Variants in ARHGEF12 observed in about 807,000 individuals in gnomAD.
ARHGEF12 encodes KMT2A/ARHGEF12 fusion protein.
A neutral mutation model predicts 211.2 loss-of-function variants in ARHGEF12; 66 were observed. The observed-to-expected ratio is 0.31, with a 90% CI of 0.26 to 0.38. The LOEUF (loss-of-function observed/expected upper bound fraction) is 0.38. ARHGEF12 is among the 10% of genes least tolerant of loss of function. The pLI is 1.00. For missense variants in ARHGEF12, 1,429 were observed against 1,869.5 expected, an observed-to-expected ratio of 0.76 and a Z score of 4.34; for synonymous variants, 592 against 638.4, an observed-to-expected ratio of 0.93 and a Z score of 1.09.
At position 120,459,175 on chromosome 11, in the gene ARHGEF12, A is replaced by G; in HGVS notation, c.2382A>G (p.Glu794=). The G allele has an allele frequency of 6.2e-7, 1 of 1,606,088 alleles. No individual in the cohort carries two copies. ...CEIKRQEVIN[E]LFYTERAHVR... is the part of the protein sequence containing the mutation. The stretch of plus-strand genomic sequence containing the variant: ...ATTTCATATCTCTTTCCTGTTCAGA[A>G]TTGTTCTACACTGAAAGAGCTCATG... The change falls in exon 26 of 41, where the codon GAA becomes GAG. Residue 794 remains glutamate, a splice_region_variant and synonymous_variant. Coordinates refer to ENST00000397843, the MANE Select transcript of ARHGEF12 (RefSeq NM_015313.3).
chr11:120,440,948 T>G (rs769038184), intron 13 of ARHGEF12, among the ~76,000 whole-genome samples: 1 of 152,148 alleles, frequency 6.6e-6, no homozygotes, highest in Non-Finnish European at 1.5e-5. Flanking sequence ...TATTATGTGG[T>G]TTTTCTGATT....
chr11:120,489,375 G>T lies in ARHGEF12; in HGVS notation c.*4298G>T, dbSNP rs1947478650. 3 of 224,136 alleles carry T rather than the reference G, an allele frequency of 1.3e-5. No individual in the cohort carries two copies. The highest frequency in any genetic ancestry group is 2.7e-5 in the Non-Finnish European group (3 of 112,498). The allele number at this position is 224,136 out of a possible 1,614,324, so 13.9% of individuals were successfully genotyped here. A position where few individuals can be genotyped will look rare whatever the true frequency, so the allele number is the denominator to read the frequency against. On this transcript the variant is annotated 3_prime_UTR_variant, in exon 41 of 41. Coordinates refer to ENST00000397843, the MANE Select transcript of ARHGEF12 (RefSeq NM_015313.3). ...TATATATATAACAAAATTTGCTATTGTAACTATTTTTAAGTATAAAGTTCA... is the reference window on the plus strand; with the variant it reads ...TATATATATAACAAAATTTGCTATTTTAACTATTTTTAAGTATAAAGTTCA...
intron 13 of ARHGEF12, among the ~76,000 whole-genome samples, chr11:120,441,212 T>C (rs185735033): frequency 2.2e-4 from 33 of 152,252 alleles, no homozygotes; most frequent in African/African-American, 7.9e-4. Flanking sequence ...TTTGGGAATA[T>C]GAAAATTGTG....
At chr11:120,399,253 CG>C (rs1944478258) in intron 1 of ARHGEF12, among the ~76,000 whole-genome samples, 1 of 121,994 alleles carries the variant, frequency 8.2e-6, no homozygotes, top group African/African-American at 3.1e-5. Flanking sequence ...CCCAGGAGTT[CG>C]AGGTTACAGT....
chr11:120,354,388 C>T (rs1219683077), intron 1 of ARHGEF12, among the ~76,000 whole-genome samples: 1 of 152,198 alleles, frequency 6.6e-6, no homozygotes, highest in Non-Finnish European at 1.5e-5. Context: ...CATCTTCTCA[C>T]ATTCCAGCTT....
intron 15 of ARHGEF12, 85 bp from the exon 16 acceptor site, chr11:120,445,337 G>A (rs1946011871): frequency 7.3e-7 from 1 of 1,363,460 alleles, no homozygotes; most frequent in African/African-American, 1.4e-5. Context: ...TATCCAAGTT[G>A]TATCCCCTTA....
At chr11:120,392,340 C>A (rs967901376) in intron 1 of ARHGEF12, among the ~76,000 whole-genome samples, 4 of 152,002 alleles carry the variant, frequency 2.6e-5, no homozygotes, top group Non-Finnish European at 5.9e-5. Flanking sequence ...CAAATAATAT[C>A]TTTTTTTAAT....
chr11:120,337,870 G>A, intron 1 of ARHGEF12: 1 of 985,440 alleles, frequency 1.0e-6, no homozygotes, highest in Non-Finnish European at 1.2e-6. Flanking sequence ...AGAAATGAGG[G>A]TAAATCATGG....
chr11:120,464,891 C>T (rs992662219), intron 27 of ARHGEF12: 3 of 183,674 alleles, frequency 1.6e-5, no homozygotes, highest in Non-Finnish European at 3.4e-5. Context: ...GCCTGTAGTC[C>T]CAGTTACTTG....
intron 1 of ARHGEF12, among the ~76,000 whole-genome samples, chr11:120,347,169 TTCCTTCCTTCCTTC>T (rs1942772519): frequency 6.4e-5 from 5 of 77,844 alleles, no homozygotes; most frequent in Admixed American, 4.9e-4. Context: ...CCTTCCTTCC[TTCCTTCCTTCCTTC>T]CTTTCTTTCT....
chr11:120,406,664 T>A (rs1171946505), intron 2 of ARHGEF12, among the ~76,000 whole-genome samples: 1 of 152,208 alleles, frequency 6.6e-6, no homozygotes, highest in African/African-American at 2.4e-5. Context: ...GTTCACACCA[T>A]TCTCCTGCCT....
intron 37 of ARHGEF12, 34 bp from the exon 38 acceptor site, chr11:120,479,926 T>C (rs1947176636): frequency 1.3e-6 from 2 of 1,565,452 alleles, no homozygotes; most frequent in African/African-American, 2.7e-5. Context: ...GTTGTGAATA[T>C]GTTTTTTTTC....
intron 34 of ARHGEF12, 165 bp downstream of exon 34, chr11:120,476,913 C>A: frequency 1.7e-6 from 1 of 598,648 alleles, no homozygotes; most frequent in Non-Finnish European, 2.8e-6. Context: ...TAGGTTGATG[C>A]CTTTTATTTT....
intron 1 of ARHGEF12, among the ~76,000 whole-genome samples, chr11:120,359,541 C>G (rs956503036): frequency 1.3e-5 from 2 of 152,188 alleles, no homozygotes; most frequent in African/African-American, 4.8e-5. Context: ...AGTGCCCAGC[C>G]TATTGGTGGT....
chr11:120,358,057 C>T (rs889259892), intron 1 of ARHGEF12, among the ~76,000 whole-genome samples: 1 of 151,936 alleles, frequency 6.6e-6, no homozygotes, highest in Non-Finnish European at 1.5e-5. Context: ...GGATTTTAAC[C>T]TCTGGATTGT....
chr11:120,477,057 A>G, intron 34 of ARHGEF12, 162 bp from the exon 35 acceptor site: 1 of 653,722 alleles, frequency 1.5e-6, no homozygotes, highest in South Asian at 2.0e-5. Context: ...TGCCAAAATA[A>G]AGATATTCTC....
intron 39 of ARHGEF12, among the ~76,000 whole-genome samples, chr11:120,482,287 C>T (rs1947268492): frequency 1.3e-5 from 2 of 152,172 alleles, no homozygotes; most frequent in Admixed American, 6.5e-5. Context: ...CATTAGGTGA[C>T]ATTGGCAGCT....
chr11:120,379,492 C>T (rs887915310), intron 1 of ARHGEF12, among the ~76,000 whole-genome samples: 10 of 151,554 alleles, frequency 6.6e-5, no homozygotes, highest in Non-Finnish European at 1.3e-4. Context: ...TTATGGAAAG[C>T]ATTCAGTATT....
rs1947476937 is a variant in ARHGEF12, at chr11:120,489,277, C to T, written c.*4200C>T. 2 of 226,230 alleles carry T rather than the reference C, an allele frequency of 8.8e-6. No homozygotes were observed. Among genetic ancestry groups the T allele is most frequent in the South Asian group, 3.7e-4 (2 of 5,460 alleles). The allele number at this position is 226,230 out of a possible 1,614,324, so 14.0% of individuals were successfully genotyped here. A position where few individuals can be genotyped will look rare whatever the true frequency, so the allele number is the denominator to read the frequency against. ...TAGCTTTATTGAGATATTCACATATCATATAATTCATCCATTTAAAGTGTA... is the reference window on the plus strand; with the variant it reads ...TAGCTTTATTGAGATATTCACATATTATATAATTCATCCATTTAAAGTGTA... On this transcript the variant is annotated 3_prime_UTR_variant, in exon 41 of 41. Coordinates refer to ENST00000397843, the MANE Select transcript of ARHGEF12 (RefSeq NM_015313.3).
Sources: gnomAD v4.1 joint callset for allele counts (sites outside exome capture counted in the v4.1 genomes callset) on GRCh38, gnomAD v4.1.1 for gene constraint, MANE v1.5 for transcripts, NCBI Gene and HGNC (gene_info 2026-07-23, HGNC 2026-07-21) for gene names.